Variants in PDE4D observed in about 807,000 individuals in gnomAD.
PDE4D encodes the protein phosphodiesterase 4D, also known as 3',5'-cyclic-AMP phosphodiesterase 4D.
A neutral mutation model predicts 87.4 loss-of-function variants in PDE4D; 24 were observed. The ratio of observed to expected loss-of-function variants is 0.27; its 90% CI spans 0.20 to 0.39. The LOEUF is 0.39. PDE4D is among the 10% of genes least tolerant of loss of function. The pLI, the probability that PDE4D is intolerant of heterozygous loss-of-function variation, is 1.00. For synonymous variants in PDE4D, 384 were observed against 383.2 expected (o/e 1.00, Z -0.02); for missense variants, 714 against 1,041.0 (o/e 0.69, Z 4.32).
intron 1 of PDE4D, among the ~76,000 whole-genome samples, chr5:59,762,779 A>C (rs1226889973): frequency 6.8e-6 from 1 of 146,684 alleles, no homozygotes; most frequent in Non-Finnish European, 1.5e-5. Flanking sequence ...ATGTATATAT[A>C]CACACACATA....
chr5:59,277,982 A>G (rs1765141562), intron 1 of PDE4D, among the ~76,000 whole-genome samples: 1 of 152,172 alleles, frequency 6.6e-6, no homozygotes. Context: ...GGGGAATCTG[A>G]CAATGTATGG....
intron 2 of PDE4D, among the ~76,000 whole-genome samples, chr5:60,047,471 T>A (rs202055635): frequency 4.0e-5 from 6 of 151,570 alleles, no homozygotes; most frequent in African/African-American, 7.3e-5. Context: ...GGGTGTCCAT[T>A]TTAGATCTTT....
At chr5:59,226,855 C>T (rs924998532) in intron 1 of PDE4D, among the ~76,000 whole-genome samples, 6 of 151,212 alleles carry the variant, frequency 4.0e-5, no homozygotes, top group Non-Finnish European at 8.8e-5. Flanking sequence ...CGGAAAGTGT[C>T]TTTTTTTTTG....
chr5:60,291,173 T>C (rs1583318892), intron 1 of PDE4D, among the ~76,000 whole-genome samples: 2 of 152,160 alleles, frequency 1.3e-5, no homozygotes, highest in African/African-American at 4.8e-5. Flanking sequence ...CAACCTCCAT[T>C]ACAGACTGAT....
chr5:60,492,352 C>T (rs144655074), upstream of PDE4D, among the ~76,000 whole-genome samples: 2,794 of 152,154 alleles, frequency 0.018, 73 homozygotes, highest in African/African-American at 0.065. Context: ...GTGGGAGGAT[C>T]ACTTAAGTCC....
chr5:59,440,565 T>C (rs1797457305), intron 1 of PDE4D, among the ~76,000 whole-genome samples: 3 of 152,060 alleles, frequency 2.0e-5, no homozygotes, highest in Non-Finnish European at 1.5e-5. Context: ...TCATCTGAGG[T>C]TGGGAGTTCA....
chr5:60,278,579 T>C (rs1222441090), intron 1 of PDE4D, among the ~76,000 whole-genome samples: 2 of 152,158 alleles, frequency 1.3e-5, no homozygotes, highest in African/African-American at 4.8e-5. Context: ...TTGTTTTGTT[T>C]TGTTTTGTTT....
At chr5:59,745,315 T>G (rs958695543) in intron 1 of PDE4D, among the ~76,000 whole-genome samples, 5 of 151,978 alleles carry the variant, frequency 3.3e-5, no homozygotes, top group African/African-American at 1.2e-4. Flanking sequence ...CTATGCTCCA[T>G]GGAGCCTTCA....
At chr5:59,198,299 C>T (rs1408314884) in intron 2 of PDE4D, among the ~76,000 whole-genome samples, 2 of 151,504 alleles carry the variant, frequency 1.3e-5, no homozygotes, top group Non-Finnish European at 3.0e-5. Context: ...GTCATTTTGA[C>T]ACTGCGTGTC....
chr5:59,467,003 G>C (rs2153649423), intron 1 of PDE4D, among the ~76,000 whole-genome samples: 1 of 152,230 alleles, frequency 6.6e-6, no homozygotes, highest in East Asian at 1.9e-4. Flanking sequence ...TCATAAGTGT[G>C]GGCCCTAATC....
rs1446589956 is a variant in PDE4D, at chr5:58,973,121, C to T, written c.*1543G>A. On this transcript the variant is annotated 3_prime_UTR_variant, in exon 15 of 15. Coordinates refer to ENST00000340635, the MANE Select transcript of PDE4D (RefSeq NM_001104631.2). ...ATAGTTCTTAATCCCATGGTGAAAT[C>T]ATTAAAACCAAATAGGATTAGTTGT... is the stretch of plus-strand genomic sequence containing the variant. The T allele has an allele frequency of 6.6e-6, 1 of 152,148 alleles. No homozygotes were observed. Among genetic ancestry groups the T allele is most frequent in the Non-Finnish European group, 1.5e-5 (1 of 68,020 alleles). The allele number at this position is 152,148 out of a possible 1,614,324, so 9.4% of individuals were successfully genotyped here.
At chr5:59,379,622 T>C (rs1785383132) in intron 1 of PDE4D, among the ~76,000 whole-genome samples, 2 of 152,162 alleles carry the variant, frequency 1.3e-5, no homozygotes, top group South Asian at 4.1e-4. Flanking sequence ...ATATATTTAA[T>C]GGTTGACAAG....
chr5:59,577,755 A>G (rs924437138), intron 1 of PDE4D, among the ~76,000 whole-genome samples: 6 of 152,128 alleles, frequency 3.9e-5, no homozygotes, highest in African/African-American at 1.4e-4. Flanking sequence ...GAAGAGATGA[A>G]AGGAATTCAT....
intron 1 of PDE4D, among the ~76,000 whole-genome samples, chr5:59,721,950 G>T (rs1228017804): frequency 2.0e-5 from 3 of 152,146 alleles, no homozygotes; most frequent in Non-Finnish European, 4.4e-5. Flanking sequence ...ATACATCACA[G>T]CCTCGACATC....
At chr5:60,488,450 T>C (rs955267887), upstream of PDE4D, 1 of 151,752 alleles carries the variant, frequency 6.6e-6, no homozygotes, top group Non-Finnish European at 1.5e-5. Context: ...TTTTTATTTT[T>C]AGTAGAATAA....
chr5:59,121,183 C>T lies in PDE4D; in HGVS notation c.808+59412G>A, dbSNP rs1774437087. 9.2e-5 allele frequency among the ~76,000 whole-genome samples: 14 copies of T among 152,160 alleles called. No homozygotes were observed. The South Asian group carries it at 2.9e-3, about 32-fold the overall frequency. ...ACCTCAAAAGCACAGGCCACACGAC[C>T]AAAAATAGATAAATGGGGCTGTATT... On this transcript the variant is annotated intron_variant, in intron 5 of 14. Transcript: ENST00000340635.
intron 1 of PDE4D, among the ~76,000 whole-genome samples, chr5:59,274,634 GA>G (rs1173226057): frequency 6.6e-6 from 1 of 151,512 alleles, no homozygotes; most frequent in African/African-American, 2.4e-5. Flanking sequence ...ACCTATTGTA[GA>G]AAAAAAAGTT....
At chr5:60,316,864 T>G (rs1755659224) in intron 1 of PDE4D, among the ~76,000 whole-genome samples, 1 of 152,188 alleles carries the variant, frequency 6.6e-6, no homozygotes, top group Non-Finnish European at 1.5e-5. Context: ...GATAAGCTTT[T>G]GATGTGCTGC....
intron 5 of PDE4D, among the ~76,000 whole-genome samples, chr5:59,092,598 T>A (rs922696761): frequency 1.3e-5 from 2 of 152,200 alleles, no homozygotes; most frequent in African/African-American, 4.8e-5. Context: ...CTTAAGCAAT[T>A]TGTAGGAGGC....
Sources: allele counts gnomAD v4.1 joint callset (sites outside exome capture counted in the v4.1 genomes callset), GRCh38; gene constraint gnomAD v4.1.1; transcripts MANE v1.5; gene names NCBI Gene and HGNC (gene_info 2026-07-23, HGNC 2026-07-21).